AFAP1L2: variants seen among roughly 807,000 people sequenced by gnomAD.
AFAP1L2 encodes the protein actin filament-associated protein 1-like 2.
Under a neutral mutation model 99.3 loss-of-function variants are expected in AFAP1L2, and 46 were observed. The ratio of observed to expected loss-of-function variants is 0.46; its 90% CI spans 0.37 to 0.59. The LOEUF is 0.59. AFAP1L2 is among the 20% of genes least tolerant of loss of function. The pLI, the probability that AFAP1L2 is intolerant of heterozygous loss-of-function variation, is 0.00. For synonymous variants in AFAP1L2, 397 were observed against 419.1 expected (o/e 0.95, Z 0.64); for missense variants, 959 against 1,034.9 (o/e 0.93, Z 1.01).
At chr10:114,384,897 G>A (rs942986077) in intron 1 of AFAP1L2, among the ~76,000 whole-genome samples, 5 of 152,182 alleles carry the variant, frequency 3.3e-5, no homozygotes, top group African/African-American at 1.2e-4. Context: ...AGAACCTCTT[G>A]GGAATGATCA....
chr10:114,349,731 T>G (rs2050173047), intron 1 of AFAP1L2, among the ~76,000 whole-genome samples: 1 of 144,932 alleles, frequency 6.9e-6, no homozygotes, highest in South Asian at 2.1e-4. Flanking sequence ...CCCAGTAAAC[T>G]GAGCCAAATG....
At chr10:114,301,710 C>T (rs1182301763) in intron 12 of AFAP1L2, 3 of 534,554 alleles carry the variant, frequency 5.6e-6, no homozygotes, top group Non-Finnish European at 1.0e-5. Context: ...GCCCATACGC[C>T]TCGTCCTAGG....
At chr10:114,327,470 T>C (rs567617098) in intron 4 of AFAP1L2, among the ~76,000 whole-genome samples, 1 of 152,106 alleles carries the variant, frequency 6.6e-6, no homozygotes, top group South Asian at 2.1e-4. Flanking sequence ...AGAAGAGATT[T>C]AACATCAAAA....
At chr10:114,290,028 C>A, downstream of AFAP1L2, 2 of 486,160 alleles carry the variant, frequency 4.1e-6, no homozygotes, top group Non-Finnish European at 7.1e-6. Context: ...ATGTGTATGG[C>A]ACGTCTGAGC....
chr10:114,354,429 G>C (rs2051000822), intron 1 of AFAP1L2, among the ~76,000 whole-genome samples: 2 of 152,146 alleles, frequency 1.3e-5, no homozygotes, highest in South Asian at 4.1e-4. Context: ...GAAGAAGTTA[G>C]AGAACAATAA....
intron 1 of AFAP1L2, among the ~76,000 whole-genome samples, chr10:114,352,847 C>T (rs1173404326): frequency 2.0e-5 from 3 of 152,248 alleles, no homozygotes; most frequent in Non-Finnish European, 2.9e-5. Context: ...ATGTTCCTTT[C>T]GGCAAACAGC....
chr10:114,345,623 C>A (rs1476196717), intron 1 of AFAP1L2, among the ~76,000 whole-genome samples: 1 of 152,214 alleles, frequency 6.6e-6, no homozygotes, highest in Admixed American at 6.5e-5. Context: ...TTGGCCACAT[C>A]CCTGATGAGT....
intron 1 of AFAP1L2, chr10:114,398,896 A>T (rs1395461607): frequency 8.4e-6 from 11 of 1,304,036 alleles, no homozygotes; most frequent in African/African-American, 1.5e-5. Flanking sequence ...AGACAGCAAC[A>T]CCCCTGTGCT....
At position 114,307,924 on chromosome 10, in the gene AFAP1L2, C is replaced by G. The variant is rs1564817759; in HGVS notation, c.968-15G>C. ...TTTCTTCTTGACTGTCAAGATGAGA[C>G]AGAAAGCAATTCGTATTGCACGTGG... is the stretch of plus-strand genomic sequence containing the variant. On this transcript the variant is annotated splice_polypyrimidine_tract_variant and intron_variant, in intron 9 of 18. Transcript: ENST00000304129. 2 of 1,611,320 alleles carry G rather than the reference C, an allele frequency of 1.2e-6. No homozygotes were observed. The highest frequency in any genetic ancestry group is 2.7e-5 in the African/African-American group (2 of 74,862).
Position 114,295,617 on chromosome 10 carries a change from A to G in AFAP1L2, c.*425T>C, listed in dbSNP as rs896804799. On this transcript the variant is annotated 3_prime_UTR_variant, in exon 19 of 19. Transcript: ENST00000304129. ...CCAACTGCTAAGTATTGGATAAGAG[A>G]TGATGGCCAGGAGTTTAGGTCTTCT... is the stretch of plus-strand genomic sequence containing the variant. 5.0e-6 allele frequency: 5 copies of G among 997,294 alleles called. No homozygotes were observed. The African/African-American group carries it at 7.0e-5, about 14-fold the overall frequency. 61.8% of individuals were successfully genotyped at this position (997,294 alleles called of 1,614,324 possible). A position where few individuals can be genotyped will look rare whatever the true frequency, so the allele number is the denominator to read the frequency against.
intron 4 of AFAP1L2, chr10:114,325,974 C>A (rs2046217148): frequency 7.8e-7 from 1 of 1,289,182 alleles, no homozygotes; most frequent in Non-Finnish European, 1.0e-6. Context: ...AACTCCGTTC[C>A]CGTCAGGTGG....
At chr10:114,289,346 T>A in the AFAP1L2 span, 1 of 1,614,218 alleles carries the variant, frequency 6.2e-7, no homozygotes, top group Non-Finnish European at 8.5e-7. Context: ...AACAATGGCA[T>A]CTCTGTCTTG....
In AFAP1L2 at chr10:114,319,096, G is replaced by A. The variant is rs1403272199; in HGVS notation, c.407-3331C>T. ...TTGAACCTGGGAGGTGAAGGTTGCA[G>A]TGAGCCAAGATCATGCCACTGCACT... On this transcript the variant is annotated intron_variant, in intron 5 of 18. Coordinates refer to ENST00000304129, the MANE Select transcript of AFAP1L2 (RefSeq NM_001001936.3). Among the ~76,000 whole-genome samples the A allele has an allele frequency of 4.1e-4, 62 of 152,210 alleles. 1 individual carries two copies.
In AFAP1L2 at chr10:114,310,538, G is replaced by A. The variant is rs1178598980; in HGVS notation, c.793-95C>T. On this transcript the variant is annotated intron_variant, in intron 7 of 18. Coordinates refer to ENST00000304129, the MANE Select transcript of AFAP1L2 (RefSeq NM_001001936.3). ...CAGGGCCCCTGCAGGTCAGGGGAGA[G>A]TGGGTGGAGGTGAGAGAGAAGATGA... 14 of 1,058,128 alleles carry A rather than the reference G, an allele frequency of 1.3e-5. No homozygotes were observed. In the Admixed American group the frequency reaches 2.5e-4, roughly 19 times the overall value. 65.5% of individuals were successfully genotyped at this position (1,058,128 alleles called of 1,614,324 possible).
chr10:114,404,367 T>G, intron 1 of AFAP1L2, 73 bp downstream of exon 1: 1 of 1,463,430 alleles, frequency 6.8e-7, no homozygotes, highest in Non-Finnish European at 9.3e-7. Flanking sequence ...GCAAGACGAG[T>G]CCTAGCCCTG....
intron 3 of AFAP1L2, among the ~76,000 whole-genome samples, chr10:114,332,156 G>T (rs908571446): frequency 6.6e-6 from 1 of 152,168 alleles, no homozygotes; most frequent in African/African-American, 2.4e-5. Flanking sequence ...AAAAAAAATG[G>T]TCTAGCCACA....
chr10:114,314,986 C>T (rs569918055), intron 6 of AFAP1L2, among the ~76,000 whole-genome samples: 100 of 152,202 alleles, frequency 6.6e-4, no homozygotes, highest in South Asian at 1.2e-3. Flanking sequence ...ACTAAAAATA[C>T]ATAAATTAGC....
rs200172104 is a variant in AFAP1L2 at position 114,294,916 on chromosome 10, T to A, written c.*1126A>T. 7.2e-6 allele frequency: 7 copies of A among 973,380 alleles called. No individual in the cohort carries two copies. The South Asian group carries it at 2.9e-4, about 40-fold the overall frequency. The allele number at this position is 973,380 out of a possible 1,614,324, so 60.3% of individuals were successfully genotyped here. On this transcript the variant is annotated 3_prime_UTR_variant, in exon 19 of 19. Coordinates refer to ENST00000304129, the MANE Select transcript of AFAP1L2 (RefSeq NM_001001936.3). Reference sequence around the variant, plus strand: ...ATGTTTATGAGAGAGGAAATAAGAATAAAAAAGACATTTAGTTCTCAGGAA... The same window carrying A: ...ATGTTTATGAGAGAGGAAATAAGAAAAAAAAAGACATTTAGTTCTCAGGAA...
At chr10:114,286,536 G>A in the AFAP1L2 span, 9 of 1,522,208 alleles carry the variant, frequency 5.9e-6, no homozygotes, top group Non-Finnish European at 7.9e-6. Context: ...CCTGACCCAG[G>A]ACCGCTGGTC....
Sources: gnomAD v4.1 joint callset for allele counts (sites outside exome capture counted in the v4.1 genomes callset) on GRCh38, gnomAD v4.1.1 for gene constraint, MANE v1.5 for transcripts, NCBI Gene and HGNC (gene_info 2026-07-23, HGNC 2026-07-21) for gene names.